Variants in SRRM4 observed in about 807,000 individuals in gnomAD.
SRRM4 encodes serine/arginine repetitive matrix protein 4.
A neutral mutation model predicts 68.9 loss-of-function variants in SRRM4; 33 were observed. The ratio of observed to expected loss-of-function variants is 0.48; its 90% CI spans 0.36 to 0.64. The LOEUF (loss-of-function observed/expected upper bound fraction) is 0.64. Among genes scored for constraint, SRRM4 ranks in the 30% least tolerant of loss-of-function variants. SRRM4 has a pLI of 0.00. For synonymous variants in SRRM4, 318 were observed against 318.8 expected (o/e 1.00, Z 0.03); for missense variants, 817 against 827.1 (o/e 0.99, Z 0.15).
intron 7 of SRRM4, among the ~76,000 whole-genome samples, chr12:119,126,518 T>G (rs1292513823): frequency 6.6e-6 from 1 of 152,182 alleles, no homozygotes; most frequent in Non-Finnish European, 1.5e-5. Flanking sequence ...AAGGGACCAC[T>G]CTAAGCACAG....
intron 1 of SRRM4, among the ~76,000 whole-genome samples, chr12:119,095,892 G>A (rs561182100): frequency 2.0e-5 from 3 of 149,980 alleles, no homozygotes; most frequent in Non-Finnish European, 3.0e-5. Flanking sequence ...CCCGGGAGGC[G>A]GATGTTGCAG....
chr12:119,025,538 G>T (rs1041900523), intron 1 of SRRM4, among the ~76,000 whole-genome samples: 1 of 151,916 alleles, frequency 6.6e-6, no homozygotes, highest in East Asian at 1.9e-4. Flanking sequence ...TCTGCCTCCC[G>T]GGTTCAAGTG....
At chr12:118,989,287 G>A (rs151146509) in intron 1 of SRRM4, among the ~76,000 whole-genome samples, 10 of 152,286 alleles carry the variant, frequency 6.6e-5, no homozygotes, top group African/African-American at 2.2e-4. Flanking sequence ...ATGTGTTATG[G>A]ACAAGCATGA....
intron 8 of SRRM4, among the ~76,000 whole-genome samples, chr12:119,145,109 C>CCCCT (rs1365233623): frequency 2.0e-5 from 3 of 151,308 alleles, no homozygotes; most frequent in Admixed American, 2.0e-4. Context: ...GTATAATTTC[C>CCCCT]TTTTTCTTTT....
intron 1 of SRRM4, among the ~76,000 whole-genome samples, chr12:119,079,940 C>G (rs1318408052): frequency 6.6e-6 from 1 of 151,510 alleles, no homozygotes; most frequent in Non-Finnish European, 1.5e-5. Flanking sequence ...AGGCATTGTG[C>G]CTGATTTCCA....
chr12:119,095,318 C>T (rs1299824542), intron 1 of SRRM4, among the ~76,000 whole-genome samples: 2 of 152,134 alleles, frequency 1.3e-5, no homozygotes, highest in Non-Finnish European at 2.9e-5. Flanking sequence ...AGAGTCTAGG[C>T]CTACATTCTC....
chr12:119,145,279 C>T lies in SRRM4; in HGVS notation c.772-102C>T. On this transcript the variant is annotated intron_variant, in intron 8 of 12. Transcript: ENST00000267260. Reference sequence around the variant, plus strand: ...CTTTCTTCTCCTCTCTCTCTCTTTCCTTTCGTTACAGTGCATCATGACGGT... The same window carrying T: ...CTTTCTTCTCCTCTCTCTCTCTTTCTTTTCGTTACAGTGCATCATGACGGT... 1.1e-5 allele frequency: 11 copies of T among 997,150 alleles called. No homozygotes were observed. The East Asian group carries it at 1.2e-4, about 11-fold the overall frequency. The allele number at this position is 997,150 out of a possible 1,614,324, so 61.8% of individuals were successfully genotyped here.
chr12:119,090,888 C>G (rs1336430859), intron 1 of SRRM4, among the ~76,000 whole-genome samples: 1 of 152,212 alleles, frequency 6.6e-6, no homozygotes, highest in Non-Finnish European at 1.5e-5. Flanking sequence ...CAAGGAGACC[C>G]CTCTGGTGGC....
chr12:119,138,131 C>T (rs1474312395), intron 8 of SRRM4, among the ~76,000 whole-genome samples: 1 of 152,078 alleles, frequency 6.6e-6, no homozygotes, highest in Non-Finnish European at 1.5e-5. Context: ...TAATTGCTCT[C>T]AGCTGATTCT....
In SRRM4 at chr12:119,006,158, C is replaced by T. The variant is rs181668475; in HGVS notation, c.131+24145C>T. ...TGGGAGCTTTCCGTTCTCTCTCTGC[C>T]TCCTTTGGCCGCCAGTCCTGAGCTG... On this transcript the variant is annotated intron_variant, in intron 1 of 12. Transcript: ENST00000267260. 1.6e-4 allele frequency among the ~76,000 whole-genome samples: 24 copies of T among 152,322 alleles called. 1 individual carries two copies. The highest frequency in any genetic ancestry group is 5.8e-4 in the African/African-American group (24 of 41,584).
Position 119,150,763 on chromosome 12 carries a change from A to G in SRRM4, c.1077-254A>G, listed in dbSNP as rs185429204. 2.6e-5 allele frequency among the ~76,000 whole-genome samples: 4 copies of G among 152,162 alleles called. No homozygotes were observed. In the East Asian group the frequency reaches 7.7e-4, roughly 29 times the overall value. On this transcript the variant is annotated intron_variant, in intron 9 of 12. Transcript: ENST00000267260. The stretch of plus-strand genomic sequence containing the variant: ...GCCTGATGACATTCTAAAATACTCC[A>G]CTGTGGCCCCAGCGGTATGTGTTTC...
At chr12:119,132,949 G>A (rs1276895879) in intron 8 of SRRM4, 1 of 152,104 alleles carries the variant, frequency 6.6e-6, no homozygotes, top group Non-Finnish European at 1.5e-5. Flanking sequence ...TTCCTCATCT[G>A]TAAGAAATAA....
chr12:119,041,043 C>A (rs1419167525), intron 1 of SRRM4, among the ~76,000 whole-genome samples: 1 of 152,106 alleles, frequency 6.6e-6, no homozygotes, highest in Non-Finnish European at 1.5e-5. Flanking sequence ...AGTCACCATG[C>A]CTGGTGGTTG....
At chr12:119,030,371 T>C (rs188141212) in intron 1 of SRRM4, among the ~76,000 whole-genome samples, 43 of 152,314 alleles carry the variant, frequency 2.8e-4, no homozygotes, top group Non-Finnish European at 5.3e-4. Flanking sequence ...TCAGGGATTC[T>C]GTAAGCCCAG....
Position 119,145,529 on chromosome 12 carries a change from AG to A in SRRM4, c.922del (p.Glu308ArgfsTer9). 6.2e-7 allele frequency: 1 copy of A among 1,608,548 alleles called. No homozygotes were observed. The highest frequency in any genetic ancestry group is 8.5e-7 in the Non-Finnish European group (1 of 1,176,854). On this transcript the variant is annotated frameshift_variant, in exon 9 of 13. Coordinates refer to ENST00000267260, the MANE Select transcript of SRRM4 (RefSeq NM_194286.4). LOFTEE classifies it high-confidence loss of function. ...TQTSSARSRG[Q>X]EKGSPSGGLS... ...ACCAGCTCAGCCAGGTCTCGGGGCC[AG>A]GAGAAGGGGAGCCCCAGTGGGGGCT...
At chr12:119,151,338 G>A (rs962395386) in intron 10 of SRRM4, 118 bp downstream of exon 10, 61 of 945,408 alleles carry the variant, frequency 6.5e-5, no homozygotes, top group Non-Finnish European at 9.2e-5. Context: ...TTGAATACTC[G>A]TTTTGCCCAT....
chr12:119,009,343 C>T (rs1219746451), intron 1 of SRRM4, among the ~76,000 whole-genome samples: 2 of 152,098 alleles, frequency 1.3e-5, no homozygotes, highest in East Asian at 1.9e-4. Context: ...ACGCACAAGC[C>T]GATGGGGAAG....
At position 119,154,357 on chromosome 12, in the gene SRRM4, C is replaced by T. The variant is rs1250720889; in HGVS notation, c.1506C>T (p.Ser502=). 9 of 1,613,166 alleles carry T rather than the reference C, an allele frequency of 5.6e-6. No homozygotes were observed. The South Asian group carries it at 9.9e-5, about 18-fold the overall frequency. ...PMRKRRRDSP[S]HLEARRITSA... is the part of the protein sequence containing the mutation. ...GAAAGCGCCGGAGAGACTCCCCGAG[C>T]CACCTGGAGGCCCGGAGGATAACCA... The change falls in exon 12 of 13, where the codon AGC becomes AGT. Residue 502 remains serine, a synonymous_variant. Coordinates refer to ENST00000267260, the MANE Select transcript of SRRM4 (RefSeq NM_194286.4). The surrounding 1 kb of genome is among the most constrained non-coding windows in gnomAD (Gnocchi z 4.7).
At chr12:119,002,236 A>AG (rs1555213458) in intron 1 of SRRM4, among the ~76,000 whole-genome samples, 1 of 151,644 alleles carries the variant, frequency 6.6e-6, no homozygotes, top group African/African-American at 2.4e-5. Flanking sequence ...AAAAAAAAAA[A>AG]TTTTTTTTCA....
Sources: gnomAD v4.1 joint callset for allele counts (sites outside exome capture counted in the v4.1 genomes callset) on GRCh38, gnomAD v4.1.1 for gene constraint, Gnocchi (gnomAD v3.1) non-coding constraint, MANE v1.5 for transcripts, NCBI Gene and HGNC (gene_info 2026-07-23, HGNC 2026-07-21) for gene names.